GAPVD1: variants seen among roughly 807,000 people sequenced by gnomAD.
GAPVD1 encodes GTPase-activating protein and VPS9 domain-containing protein 1.
In GAPVD1, 35 loss-of-function variants were observed where a neutral mutation model predicts 155.5. The observed-to-expected ratio is 0.23, with a 90% CI of 0.17 to 0.30. The LOEUF is 0.30. Among genes scored for constraint, GAPVD1 ranks in the 10% least tolerant of loss-of-function variants. GAPVD1 has a pLI of 1.00. For missense variants in GAPVD1, 1,429 were observed against 1,775.7 expected, an observed-to-expected ratio of 0.80 and a Z score of 3.51; for synonymous variants, 636 against 619.7, an observed-to-expected ratio of 1.03 and a Z score of -0.39.
intron 8 of GAPVD1, among the ~76,000 whole-genome samples, chr9:125,312,092 T>A (rs1163514872): frequency 3.3e-5 from 5 of 152,180 alleles, no homozygotes; most frequent in African/African-American, 1.2e-4. Context: ...GGAAAAATAG[T>A]GAAGGTATCT....
chr9:125,330,006 G>T, intron 12 of GAPVD1, 72 bp from the exon 13 acceptor site: 1 of 1,283,830 alleles, frequency 7.8e-7, no homozygotes, highest in South Asian at 1.5e-5. Flanking sequence ...GCTAGTGTTT[G>T]GCTTTTCTCC....
chr9:125,266,251 C>G (rs942464386), intron 1 of GAPVD1, among the ~76,000 whole-genome samples: 1 of 151,300 alleles, frequency 6.6e-6, no homozygotes, highest in African/African-American at 2.4e-5. Flanking sequence ...CTCAGCTTCC[C>G]GAGCAGCTGG....
intron 25 of GAPVD1, among the ~76,000 whole-genome samples, chr9:125,359,092 C>A (rs1044630402): frequency 6.6e-6 from 1 of 151,898 alleles, no homozygotes; most frequent in African/African-American, 2.4e-5. Context: ...CTCACTTTTT[C>A]CCCCCCTCTC....
intron 2 of GAPVD1, among the ~76,000 whole-genome samples, chr9:125,283,726 C>G (rs893751482): frequency 6.6e-6 from 1 of 152,066 alleles, no homozygotes; most frequent in African/African-American, 2.4e-5. Flanking sequence ...ATTAGAAATT[C>G]TCAATAGCAA....
chr9:125,280,396 C>CAAAAA (rs750354567), intron 2 of GAPVD1, among the ~76,000 whole-genome samples: 45 of 57,258 alleles, frequency 7.9e-4, no homozygotes, highest in Non-Finnish European at 9.4e-4. Flanking sequence ...AAGTCCATCT[C>CAAAAA]AAAAAAAAAA....
intron 2 of GAPVD1, among the ~76,000 whole-genome samples, chr9:125,291,604 T>G (rs1838625530): frequency 6.6e-6 from 1 of 152,028 alleles, no homozygotes; most frequent in Admixed American, 6.6e-5. Context: ...AAGACTGTAG[T>G]ATGTGCCTGC....
chr9:125,356,006 A>G, intron 25 of GAPVD1, 149 bp downstream of exon 25: 1 of 620,428 alleles, frequency 1.6e-6, no homozygotes, highest in Non-Finnish European at 2.9e-6. Flanking sequence ...GAGTTACATG[A>G]TCACAAAGAA....
chr9:125,313,611 CT>C (rs932328091), intron 9 of GAPVD1, among the ~76,000 whole-genome samples: 3 of 150,846 alleles, frequency 2.0e-5, no homozygotes, highest in Non-Finnish European at 3.0e-5. Context: ...CCATTTTTTT[CT>C]TTTTTTTTGA....
intron 1 of GAPVD1, among the ~76,000 whole-genome samples, chr9:125,265,940 A>T (rs1198015761): frequency 6.7e-6 from 1 of 150,126 alleles, no homozygotes; most frequent in Admixed American, 6.6e-5. Flanking sequence ...AAAAAAAAAA[A>T]AGAAACTGCT....
chr9:125,263,850 G>A, intron 1 of GAPVD1: 1 of 1,228,990 alleles, frequency 8.1e-7, no homozygotes, highest in Admixed American at 1.7e-5. Flanking sequence ...TCTCCGGGGG[G>A]CAGATGAAGG....
chr9:125,311,207 C>G (rs116526677), intron 8 of GAPVD1, among the ~76,000 whole-genome samples: 494 of 152,238 alleles, frequency 3.2e-3, no homozygotes, highest in Non-Finnish European at 5.2e-3. Context: ...ATAATTGAAG[C>G]CTTTATTAAT....
intron 2 of GAPVD1, among the ~76,000 whole-genome samples, chr9:125,292,164 G>A (rs530484245): frequency 7.9e-5 from 12 of 152,222 alleles, no homozygotes; most frequent in African/African-American, 2.9e-4. Context: ...TTGAGTCTGG[G>A]AGATAGAGGC....
chr9:125,310,245 G>A (rs1429682131), intron 8 of GAPVD1, among the ~76,000 whole-genome samples: 3 of 152,134 alleles, frequency 2.0e-5, no homozygotes, highest in Non-Finnish European at 2.9e-5. Flanking sequence ...AAAGGTATGA[G>A]TAGGCCTATT....
chr9:125,299,206 A>G lies in GAPVD1; in HGVS notation c.185+100A>G, dbSNP rs945173107. On this transcript the variant is annotated intron_variant, in intron 4 of 27. Coordinates refer to ENST00000297933, the MANE Select transcript of GAPVD1 (RefSeq NM_001282680.3). Reference sequence around the variant, plus strand: ...AATGAATCTGTTTCCAACAAAGTGCATTATTTAAGATAATTTACATCAATG... The same window carrying G: ...AATGAATCTGTTTCCAACAAAGTGCGTTATTTAAGATAATTTACATCAATG... 27 of 611,896 alleles carry G rather than the reference A, an allele frequency of 4.4e-5. No individual in the cohort carries two copies. In the African/African-American group the frequency reaches 4.9e-4, roughly 11 times the overall value. The allele number at this position is 611,896 out of a possible 1,614,324, so 37.9% of individuals were successfully genotyped here.
intron 1 of GAPVD1, among the ~76,000 whole-genome samples, chr9:125,266,320 T>A (rs941335075): frequency 2.7e-5 from 4 of 149,266 alleles, no homozygotes; most frequent in Admixed American, 6.7e-5. Context: ...TTTTATTTTA[T>A]TTTTTTTTTT....
chr9:125,332,225 G>A (rs1049216783), intron 14 of GAPVD1, among the ~76,000 whole-genome samples, 165 bp downstream of exon 14: 8 of 152,320 alleles, frequency 5.3e-5, no homozygotes, highest in Admixed American at 4.6e-4. Flanking sequence ...AACTTAATGT[G>A]TGGCCTTATG....
chr9:125,331,492 C>T (rs530006705), intron 13 of GAPVD1, among the ~76,000 whole-genome samples: 2 of 152,316 alleles, frequency 1.3e-5, no homozygotes, highest in East Asian at 1.9e-4. Flanking sequence ...TGAGCTACCA[C>T]GGCTGGCCTG....
chr9:125,301,370 G>C (rs1274995467), intron 4 of GAPVD1, among the ~76,000 whole-genome samples: 2 of 151,838 alleles, frequency 1.3e-5, no homozygotes, highest in African/African-American at 4.8e-5. Flanking sequence ...TGTCCTTCCT[G>C]TAGCTAATTT....
chr9:125,349,425 C>T lies in GAPVD1; in HGVS notation c.3205C>T (p.Pro1069Ser), dbSNP rs759796628. The T allele has an allele frequency of 6.2e-7, 1 of 1,613,726 alleles. No individual in the cohort carries two copies. The highest frequency in any genetic ancestry group is 8.5e-7 in the Non-Finnish European group (1 of 1,179,718). ...MGDGESAHDS[P>S]RDEALQNISA... The stretch of plus-strand genomic sequence containing the variant: ...TGATGGTGAAAGTGCACATGATTCT[C>T]CCCGTGACGAAGCACTGCAGAACAT... Residue 1069 changes from proline to serine, a missense_variant, in exon 21 of 28, where the codon CCC becomes TCC. Physicochemically the swap from Pro to Ser is moderately conservative, Grantham distance 74 (BLOSUM62 -1). Transcript: ENST00000297933.
Sources: allele counts gnomAD v4.1 joint callset (sites outside exome capture counted in the v4.1 genomes callset), GRCh38; gene constraint gnomAD v4.1.1; transcripts MANE v1.5; gene names NCBI Gene and HGNC (gene_info 2026-07-23, HGNC 2026-07-21).